MIB1: variants seen among roughly 807,000 people sequenced by gnomAD.
The protein encoded by MIB1 is E3 ubiquitin-protein ligase MIB1.
MIB1 carries 278 observed loss-of-function variants against 124.5 expected under a neutral mutation model. The ratio of observed to expected loss-of-function variants is 2.23; its 90% CI spans 2.02 to 2.47. MIB1 has a LOEUF of 2.47. Ranked by LOEUF, MIB1 falls within the 30% of genes most tolerant of loss-of-function variation. The probability of loss-of-function intolerance (pLI) is 0.00; values close to 1 mark genes in which losing one functional copy is unlikely to be tolerated. For synonymous variants in MIB1, 446 were observed against 429.4 expected (o/e 1.04, Z -0.48); for missense variants, 957 against 1,254.4 (o/e 0.76, Z 3.58).
chr18:21,823,401 TAA>T (rs757621455), intron 12 of MIB1, among the ~76,000 whole-genome samples: 69 of 128,324 alleles, frequency 5.4e-4, no homozygotes, highest in Admixed American at 5.5e-4. Context: ...ACCCTGTCTC[TAA>T]AAAAAAAAAA....
intron 12 of MIB1, among the ~76,000 whole-genome samples, chr18:21,836,147 G>A (rs968197361): frequency 1.3e-5 from 2 of 151,936 alleles, no homozygotes; most frequent in Admixed American, 1.3e-4. Context: ...CCAGCTACTC[G>A]GGAGGCTAAG....
intron 18 of MIB1, among the ~76,000 whole-genome samples, chr18:21,856,240 A>AAAAAAAAAAAAAAC (rs5823316): frequency 3.0e-5 from 4 of 135,460 alleles, no homozygotes; most frequent in African/African-American, 1.1e-4. Context: ...CCGTCTCAAA[A>AAAAAAAAAAAAAAC]AAAAAACAAA....
At position 21,869,391 on chromosome 18, in the gene MIB1, AT is replaced by A. The variant is rs1277609869; in HGVS notation, c.*4729del. ...AACAGTTCAAGCAATTGTCAGTTAT[AT>A]TTTGGAAACTCCATCTGTGTAATTC... On this transcript the variant is annotated 3_prime_UTR_variant, in exon 21 of 21. Transcript: ENST00000261537. 2 of 152,450 alleles carry A rather than the reference AT, an allele frequency of 1.3e-5. No homozygotes were observed. Among genetic ancestry groups the A allele is most frequent in the Non-Finnish European group, 2.9e-5 (2 of 67,892 alleles). The allele number at this position is 152,450 out of a possible 1,614,324, so 9.4% of individuals were successfully genotyped here.
At chr18:21,863,021 C>T (rs951522985) in intron 20 of MIB1, among the ~76,000 whole-genome samples, 9 of 152,100 alleles carry the variant, frequency 5.9e-5, no homozygotes, top group African/African-American at 1.9e-4. Flanking sequence ...GCTCTGTCGC[C>T]CAGGCTGGAG....
At chr18:21,846,872 T>C (rs920541274) in intron 15 of MIB1, 72 bp from the exon 16 acceptor site, 4 of 1,418,860 alleles carry the variant, frequency 2.8e-6, no homozygotes, top group Middle Eastern at 3.6e-4. Flanking sequence ...CACACACACA[T>C]ACATATATAT....
At position 21,815,821 on chromosome 18, in the gene MIB1, C is replaced by A. The variant is rs2041825195; in HGVS notation, c.1677+8C>A. The A allele has an allele frequency of 1.2e-6, 2 of 1,612,834 alleles. No homozygotes were observed. Among genetic ancestry groups the A allele is most frequent in the Admixed American group, 3.3e-5 (2 of 59,986 alleles). Reference sequence around the variant, plus strand: ...TGTCATCCCAGTCTCCAGGTAAAACCTTTAAAGAAACACATCCTGCAGGTA... The same window carrying A: ...TGTCATCCCAGTCTCCAGGTAAAACATTTAAAGAAACACATCCTGCAGGTA... On this transcript the variant is annotated splice_region_variant and intron_variant, in intron 11 of 20. Coordinates refer to ENST00000261537, the MANE Select transcript of MIB1 (RefSeq NM_020774.4).
At chr18:21,707,784 G>C (rs1013947088) in intron 1 of MIB1, among the ~76,000 whole-genome samples, 17 of 152,216 alleles carry the variant, frequency 1.1e-4, no homozygotes, top group Admixed American at 1.0e-3. Context: ...GCCTGGCCCA[G>C]TTTAAGTTTA....
At position 21,798,085 on chromosome 18, in the gene MIB1, C is replaced by A. The variant is rs1568206319; in HGVS notation, c.1094C>A (p.Thr365Asn). The part of the protein sequence containing the change: ...HGEWAEAMLP[T>N]LGKVGRVQQI... ...CATGAATCTATTTTTTTCCCCAAGA[C>A]TTTAGGTAAAGTTGGCCGAGTACAA... The change falls in exon 8 of 21, where the codon ACT (threonine) becomes AAT (asparagine). Residue 365 changes from threonine to asparagine, a missense_variant and splice_region_variant. Physicochemically the swap from Thr to Asn is moderately conservative, Grantham distance 65 (BLOSUM62 0). Transcript: ENST00000261537. 1 of 1,611,820 alleles carries A rather than the reference C, an allele frequency of 6.2e-7. No individual in the cohort carries two copies. Among genetic ancestry groups the A allele is most frequent in the Non-Finnish European group, 8.5e-7 (1 of 1,178,702 alleles).
In MIB1 at chr18:21,864,542, G is replaced by T; in HGVS notation, c.2897G>T (p.Cys966Phe). 2 of 1,613,172 alleles carry T rather than the reference G, an allele frequency of 1.2e-6. No individual in the cohort carries two copies. Among genetic ancestry groups the T allele is most frequent in the Non-Finnish European group, 1.7e-6 (2 of 1,179,208 alleles). Residue 966 changes from cysteine to phenylalanine, a missense_variant, in exon 21 of 21, where the codon TGT (cysteine) becomes TTT (phenylalanine). Transcript: ENST00000261537. ...DIKEQTMCPV[C>F]LDRLKNMIFL... ...ACATTACAGACAATGTGCCCTGTGT[G>T]TCTAGATCGTCTGAAGAATATGATT...
At chr18:21,788,007 T>G (rs2041456927) in intron 6 of MIB1, among the ~76,000 whole-genome samples, 1 of 152,176 alleles carries the variant, frequency 6.6e-6, no homozygotes. Context: ...TTTATATGAT[T>G]TGCGAACCTC....
chr18:21,848,303 A>G (rs1277127879), intron 16 of MIB1, among the ~76,000 whole-genome samples: 2 of 152,154 alleles, frequency 1.3e-5, no homozygotes, highest in East Asian at 3.9e-4. Context: ...TAAAAATACA[A>G]AAACTAGCTG....
rs5823309 is a variant in MIB1 at position 21,764,728 on chromosome 18, G to GA, written c.230-1034dup. 1.1e-3 allele frequency among the ~76,000 whole-genome samples: 162 copies of GA among 147,184 alleles called. 4 individuals carry two copies. Among genetic ancestry groups the GA allele is most frequent in the East Asian group, 3.2e-3 (16 of 5,054 alleles). On this transcript the variant is annotated intron_variant, in intron 1 of 20. Coordinates refer to ENST00000261537, the MANE Select transcript of MIB1 (RefSeq NM_020774.4). ...CCCTCTGCCTCCCTCCAGTTATTTT[G>GA]AAAAAAAAAACAAAACAAAACAAAA...
intron 1 of MIB1, among the ~76,000 whole-genome samples, chr18:21,724,533 C>T (rs2040728860): frequency 1.3e-5 from 2 of 148,938 alleles, no homozygotes; most frequent in African/African-American, 2.5e-5. Context: ...GGTGAAACCC[C>T]ATCTCTACTA....
chr18:21,752,224 C>T (rs1296986527), intron 1 of MIB1, among the ~76,000 whole-genome samples: 1 of 152,116 alleles, frequency 6.6e-6, no homozygotes, highest in Non-Finnish European at 1.5e-5. Flanking sequence ...CAGCTCTGCT[C>T]TTGAGGACAA....
intron 1 of MIB1, among the ~76,000 whole-genome samples, chr18:21,735,545 G>A (rs530968192): frequency 6.6e-6 from 1 of 152,136 alleles, no homozygotes; most frequent in East Asian, 1.9e-4. Context: ...CGCCTGGAAA[G>A]GGGGCTGAAG....
intron 6 of MIB1, among the ~76,000 whole-genome samples, chr18:21,786,573 T>C (rs2041438375): frequency 6.6e-6 from 1 of 152,182 alleles, no homozygotes; most frequent in Non-Finnish European, 1.5e-5. Flanking sequence ...TGAATGCCAT[T>C]GACTCAGTTT....
In MIB1 at chr18:21,791,371, T is replaced by G; in HGVS notation, c.909-3T>G. ...ATTTTGAGGTTTAGCTTTGCTCTTGTAGGTGGACCTTCAATCCTGCTGTTC... is the reference window on the plus strand; with the variant it reads ...ATTTTGAGGTTTAGCTTTGCTCTTGGAGGTGGACCTTCAATCCTGCTGTTC... On this transcript the variant is annotated splice_polypyrimidine_tract_variant and splice_region_variant and intron_variant, in intron 6 of 20. Transcript: ENST00000261537. 1.2e-6 allele frequency: 2 copies of G among 1,603,954 alleles called. No homozygotes were observed. Among genetic ancestry groups the G allele is most frequent in the Non-Finnish European group, 1.7e-6 (2 of 1,174,764 alleles).
At chr18:21,735,036 A>G (rs1393254804) in intron 1 of MIB1, among the ~76,000 whole-genome samples, 1 of 152,220 alleles carries the variant, frequency 6.6e-6, no homozygotes, top group Non-Finnish European at 1.5e-5. Flanking sequence ...GAAGAGTGGA[A>G]TGGCTGGATC....
chr18:21,853,817 A>G (rs1004690204), intron 18 of MIB1, among the ~76,000 whole-genome samples: 1 of 151,986 alleles, frequency 6.6e-6, no homozygotes, highest in African/African-American at 2.4e-5. Context: ...ACTGTTAAAT[A>G]TTCTCTTCCC....
Sources: gnomAD v4.1 joint callset for allele counts (sites outside exome capture counted in the v4.1 genomes callset) on GRCh38, gnomAD v4.1.1 for gene constraint, MANE v1.5 for transcripts, NCBI Gene and HGNC (gene_info 2026-07-23, HGNC 2026-07-21) for gene names.